Variants in OTOF observed in about 807,000 individuals in gnomAD.
OTOF encodes fer-1-like family member 2.
A neutral mutation model predicts 236.8 loss-of-function variants in OTOF; 218 were observed. That is an observed-to-expected ratio of 0.92 (90% CI 0.82 to 1.03). The LOEUF (loss-of-function observed/expected upper bound fraction) is 1.03, where lower values mean the gene tolerates loss of function less well. Ranked by LOEUF, OTOF falls within the 50% of genes least tolerant of loss-of-function variation. The pLI is 0.00. For missense variants in OTOF, 2,590 were observed against 2,694.4 expected (o/e 0.96, Z 0.86); for synonymous variants, 1,041 against 1,072.5 (o/e 0.97, Z 0.57).
chr2:26,518,398 G>T (rs1035497075), intron 4 of OTOF, among the ~76,000 whole-genome samples: 2 of 152,212 alleles, frequency 1.3e-5, no homozygotes, highest in Non-Finnish European at 2.9e-5. Context: ...CATACTCAGG[G>T]TCCCTGTTCC....
chr2:26,497,329 T>G (rs1666013167), intron 8 of OTOF, among the ~76,000 whole-genome samples: 1 of 152,058 alleles, frequency 6.6e-6, no homozygotes, highest in South Asian at 2.1e-4. Context: ...TCAGTCTCCC[T>G]CGTGATCCAC....
intron 1 of OTOF, among the ~76,000 whole-genome samples, chr2:26,551,237 C>G (rs763335916): frequency 6.6e-6 from 1 of 152,214 alleles, no homozygotes; most frequent in African/African-American, 2.4e-5. Flanking sequence ...TGATCCCCCC[C>G]GCCTTGGCCT....
intron 3 of OTOF, among the ~76,000 whole-genome samples, chr2:26,521,569 T>C (rs17320550): frequency 0.27 from 40,817 of 152,200 alleles, 6,896 homozygotes; most frequent in East Asian, 0.55. Context: ...CCCTGCTAGA[T>C]ACTCCGGTGG....
chr2:26,558,397 C>A, intron 1 of OTOF, 96 bp downstream of exon 1: 1 of 1,100,328 alleles, frequency 9.1e-7, no homozygotes, highest in Non-Finnish European at 1.4e-6. Flanking sequence ...TTTTCCCACC[C>A]ATCCTCCCAG....
intron 11 of OTOF, 147 bp downstream of exon 11, chr2:26,489,064 A>C: frequency 1.4e-6 from 1 of 707,994 alleles, no homozygotes. Context: ...ACTTCTCCGC[A>C]GGCCAGATGG....
chr2:26,470,777 C>T lies in OTOF; in HGVS notation c.3895-56G>A, dbSNP rs1369947047. On this transcript the variant is annotated intron_variant, in intron 31 of 46. Coordinates refer to ENST00000272371, the MANE Select transcript of OTOF (RefSeq NM_194248.3). The surrounding 1 kb of genome is among the most constrained non-coding windows in gnomAD (Gnocchi z 4.3). Reference sequence around the variant, plus strand: ...TGGACTCCTCCTGCCTGGACAATCCCGAGAGCCTCCACCCATTCCGCCATC... The same window carrying T: ...TGGACTCCTCCTGCCTGGACAATCCTGAGAGCCTCCACCCATTCCGCCATC... The T allele has an allele frequency of 3.8e-6, 6 of 1,592,412 alleles. No homozygotes were observed. The highest frequency in any genetic ancestry group is 2.3e-5 in the East Asian group (1 of 43,786).
chr2:26,512,162 G>C (rs1666407396), intron 5 of OTOF, among the ~76,000 whole-genome samples: 1 of 152,216 alleles, frequency 6.6e-6, no homozygotes. Context: ...AGCAGAAGGA[G>C]GTGGGGGTCG....
At position 26,505,782 on chromosome 2, in the gene OTOF, T is replaced by C. The variant is rs1666232671; in HGVS notation, c.510-1937A>G. On this transcript the variant is annotated intron_variant, in intron 5 of 46. Coordinates refer to ENST00000272371, the MANE Select transcript of OTOF (RefSeq NM_194248.3). The stretch of plus-strand genomic sequence containing the variant: ...ATTCCTGACCATTTGGGATTTTAGC[T>C]AAAAGGCCCCAGGGCTGGCACCCAT... Among the ~76,000 whole-genome samples, 7 of 152,216 alleles carry C rather than the reference T, an allele frequency of 4.6e-5. No homozygotes were observed. The South Asian group carries it at 1.4e-3, about 32-fold the overall frequency.
rs752628451 is a variant in OTOF, at chr2:26,462,094, G to A, written c.5280C>T (p.Ile1760=). The A allele has an allele frequency of 3.5e-5, 56 of 1,607,986 alleles. No individual in the cohort carries two copies. The South Asian group carries it at 5.9e-4, about 17-fold the overall frequency. The change falls in exon 42 of 47, where the codon ATC becomes ATT. Residue 1760 remains isoleucine (I), a synonymous_variant. Transcript: ENST00000272371. The surrounding 1 kb of genome is among the most constrained non-coding windows in gnomAD (Gnocchi z 4.7). The stretch of plus-strand genomic sequence containing the variant: ...GACTGCTCACCCACCCCCTCACGAA[G>A]ATGTCACTGGACTTCTCCCCTGTGA... ...DFFTGEKSSD[I]FVRGWLKGQQ...
intron 11 of OTOF, among the ~76,000 whole-genome samples, chr2:26,488,212 A>G (rs1453213153): frequency 6.6e-6 from 1 of 152,164 alleles, no homozygotes; most frequent in East Asian, 1.9e-4. Context: ...AAGCCCCTTC[A>G]TTTCTCTTAG....
intron 2 of OTOF, among the ~76,000 whole-genome samples, chr2:26,532,925 G>A (rs1006728008): frequency 6.6e-6 from 1 of 152,172 alleles, no homozygotes; most frequent in African/African-American, 2.4e-5. Context: ...AAGGGACAGG[G>A]CTATAGGTTT....
At position 26,527,878 on chromosome 2, in the gene OTOF, T is replaced by C. The variant is rs764717002; in HGVS notation, c.181A>G (p.Met61Val). 4.3e-6 allele frequency: 7 copies of C among 1,614,120 alleles called. No homozygotes were observed. The East Asian group carries it at 1.1e-4, about 26-fold the overall frequency. Residue 61 changes from methionine (M) to valine (V), a missense_variant, in exon 3 of 47, where the codon ATG (methionine) becomes GTG (valine). This residue lies in a region of OTOF where 1,379 missense variants were observed against 1,341.6 expected (regional missense o/e 1.03). Transcript: ENST00000272371. ...PVASSIDRNE[M>V]LEIQVFNYSK... ...TAGTTGAAAACCTGAATCTCCAGCA[T>C]CTCATTTCTGTCGATGCTGCTGGCC...
intron 9 of OTOF, among the ~76,000 whole-genome samples, chr2:26,494,289 G>T (rs1045427766): frequency 1.3e-5 from 2 of 152,244 alleles, no homozygotes; most frequent in African/African-American, 4.8e-5. Context: ...ATAGGAGTGG[G>T]TACCAAATGT....
intron 11 of OTOF, among the ~76,000 whole-genome samples, chr2:26,488,238 G>C (rs7591661): frequency 0.64 from 97,291 of 152,146 alleles, 33,267 homozygotes; most frequent in East Asian, 0.91. Flanking sequence ...TTTATCTCAT[G>C]TGCAAAATGG....
chr2:26,457,960 CA>C lies in OTOF; in HGVS notation c.*277del. ...TGGACGCTGGGCTCCTCAGGCTCCC[CA>C]GGGGAGATGGGAAAGAGTCCAAGCC... On this transcript the variant is annotated 3_prime_UTR_variant, in exon 47 of 47. Coordinates refer to ENST00000272371, the MANE Select transcript of OTOF (RefSeq NM_194248.3). This position sits in a 1 kb window ranked among gnomAD's most constrained non-coding sequence, Gnocchi z 4.4. 8 of 1,435,340 alleles carry C rather than the reference CA, an allele frequency of 5.6e-6. No homozygotes were observed. The highest frequency in any genetic ancestry group is 7.7e-6 in the Non-Finnish European group (8 of 1,039,952). The allele number at this position is 1,435,340 out of a possible 1,614,324, so 88.9% of individuals were successfully genotyped here.
chr2:26,523,237 C>T (rs981538770), intron 3 of OTOF, among the ~76,000 whole-genome samples: 1 of 152,210 alleles, frequency 6.6e-6, no homozygotes, highest in African/African-American at 2.4e-5. Flanking sequence ...TCTTCTGAAC[C>T]GAACATTTCT....
chr2:26,473,855 C>CCCTGGGCTGGGGCAGGAG lies in OTOF; in HGVS notation c.3408+118_3408+135dup, dbSNP rs1207022054. The CCCTGGGCTGGGGCAGGAG allele has an allele frequency of 8.3e-7, 1 of 1,212,056 alleles. No individual in the cohort carries two copies. Among genetic ancestry groups the CCCTGGGCTGGGGCAGGAG allele is most frequent in the Non-Finnish European group, 1.2e-6 (1 of 824,848 alleles). 75.1% of individuals were successfully genotyped at this position (1,212,056 alleles called of 1,614,324 possible). ...GCGACTTGGTGCAGATGGGGGCAGG[C>CCCTGGGCTGGGGCAGGAG]CCTGGGCTGGGGCAGGAGCCTGGGT... On this transcript the variant is annotated intron_variant, in intron 27 of 46. Coordinates refer to ENST00000272371, the MANE Select transcript of OTOF (RefSeq NM_194248.3). This position sits in a 1 kb window ranked among gnomAD's most constrained non-coding sequence, Gnocchi z 7.2.
At chr2:26,549,425 G>A (rs1444619767) in intron 1 of OTOF, among the ~76,000 whole-genome samples, 2 of 152,170 alleles carry the variant, frequency 1.3e-5, no homozygotes, top group Non-Finnish European at 2.9e-5. Flanking sequence ...TGTTCCTCAT[G>A]TTTCTTACAT....
At chr2:26,472,273 A>C in intron 30 of OTOF, 1 of 553,598 alleles carries the variant, frequency 1.8e-6, no homozygotes, top group South Asian at 1.9e-5. Flanking sequence ...ACACACATGC[A>C]CATATGCACA....
Sources: allele counts gnomAD v4.1 joint callset (sites outside exome capture counted in the v4.1 genomes callset), GRCh38; gene constraint gnomAD v4.1.1; regional missense constraint gnomAD v4.1.1; non-coding constraint Gnocchi (gnomAD v3.1); transcripts MANE v1.5; gene names NCBI Gene and HGNC (gene_info 2026-07-23, HGNC 2026-07-21).